The following CDK19 variants were observed in gnomAD, a reference collection of about 807,000 sequenced individuals.
The protein encoded by CDK19 is cyclin-dependent kinase 19.
In CDK19, 20 loss-of-function variants were observed where a neutral mutation model predicts 68.3. The ratio of observed to expected loss-of-function variants is 0.29; its 90% CI spans 0.21 to 0.43. CDK19 has a LOEUF of 0.43. CDK19 is among the 20% of genes least tolerant of loss of function. The pLI, the probability that CDK19 is intolerant of heterozygous loss-of-function variation, is 1.00. For missense variants in CDK19, 339 were observed against 623.5 expected (o/e 0.54, Z 4.86); for synonymous variants, 221 against 222.8 (o/e 0.99, Z 0.07).
intron 1 of CDK19, among the ~76,000 whole-genome samples, chr6:110,765,968 G>A (rs1250309101): frequency 1.3e-5 from 2 of 152,118 alleles, no homozygotes; most frequent in Admixed American, 6.6e-5. Context: ...CAAGGAGGCA[G>A]AGAAAGGGGA....
At chr6:110,767,529 T>C (rs183992529) in intron 1 of CDK19, among the ~76,000 whole-genome samples, 8 of 150,830 alleles carry the variant, frequency 5.3e-5, no homozygotes, top group Non-Finnish European at 7.4e-5. Context: ...TAATTTTTTG[T>C]ATTTTTAGTA....
chr6:110,614,329 G>A lies in CDK19; in HGVS notation c.*206C>T. ...ACAATGGAACACATGCAGGGAAGGG[G>A]TGCTGGGGAAACTTCACAAGAATCT... On this transcript the variant is annotated 3_prime_UTR_variant, in exon 13 of 13. Transcript: ENST00000368911. The A allele has an allele frequency of 2.2e-6, 1 of 445,022 alleles. No homozygotes were observed. Among genetic ancestry groups the A allele is most frequent in the Non-Finnish European group, 4.0e-6 (1 of 248,312 alleles). The allele number at this position is 445,022 out of a possible 1,614,324, so 27.6% of individuals were successfully genotyped here.
chr6:110,756,682 C>CGT lies in CDK19; in HGVS notation c.129-10483_129-10482dup, dbSNP rs746711046. Among the ~76,000 whole-genome samples the CGT allele has an allele frequency of 9.9e-5, 15 of 151,074 alleles. No individual in the cohort carries two copies. In the East Asian group the frequency reaches 1.2e-3, roughly 12 times the overall value. On this transcript the variant is annotated intron_variant, in intron 1 of 12. Coordinates refer to ENST00000368911, the MANE Select transcript of CDK19 (RefSeq NM_015076.5). Reference sequence around the variant, plus strand: ...GTGTATATATGTATGTGTATATTTACGTGTGTGTGTGTGTATGTGTATATA... The same window carrying CGT: ...GTGTATATATGTATGTGTATATTTACGTGTGTGTGTGTGTGTATGTGTATATA...
At chr6:110,693,173 C>T (rs899776038) in intron 2 of CDK19, among the ~76,000 whole-genome samples, 2 of 152,208 alleles carry the variant, frequency 1.3e-5, no homozygotes, top group Non-Finnish European at 2.9e-5. Context: ...TGAACTTTTG[C>T]TCCAAGAACC....
intron 1 of CDK19, among the ~76,000 whole-genome samples, chr6:110,766,911 G>C (rs1779628970): frequency 6.6e-6 from 1 of 152,122 alleles, no homozygotes; most frequent in Non-Finnish European, 1.5e-5. Context: ...GAGGTGGGCA[G>C]ATCACCGAGG....
intron 4 of CDK19, among the ~76,000 whole-genome samples, chr6:110,664,688 T>C (rs536302233): frequency 2.3e-4 from 35 of 152,282 alleles, no homozygotes; most frequent in African/African-American, 7.7e-4. Context: ...GATCTTGCTC[T>C]CTCAAGAAGT....
At chr6:110,718,350 G>A (rs1395041570) in intron 2 of CDK19, among the ~76,000 whole-genome samples, 2 of 152,128 alleles carry the variant, frequency 1.3e-5, no homozygotes, top group African/African-American at 4.8e-5. Flanking sequence ...TTCGAGGTGT[G>A]GAATTAGCCT....
At chr6:110,809,050 C>CAA (rs760361150) in intron 1 of CDK19, among the ~76,000 whole-genome samples, 7 of 121,828 alleles carry the variant, frequency 5.7e-5, no homozygotes, top group Admixed American at 8.5e-5. Flanking sequence ...ACTAAAAATA[C>CAA]AAAAAAAAAA....
At chr6:110,695,956 A>G (rs1273261519) in intron 2 of CDK19, among the ~76,000 whole-genome samples, 1 of 152,202 alleles carries the variant, frequency 6.6e-6, no homozygotes. Flanking sequence ...TGAAACTATT[A>G]CAAAAGATAG....
chr6:110,694,831 A>G (rs2114602483), intron 2 of CDK19, among the ~76,000 whole-genome samples: 1 of 152,290 alleles, frequency 6.6e-6, no homozygotes, highest in Middle Eastern at 3.4e-3. Context: ...TAAAATTGGA[A>G]ATTGGCTGGG....
At chr6:110,784,739 T>C (rs1472592029) in intron 1 of CDK19, among the ~76,000 whole-genome samples, 1 of 152,144 alleles carries the variant, frequency 6.6e-6, no homozygotes, top group Non-Finnish European at 1.5e-5. Context: ...AATCAAATGT[T>C]CATCAGTTGA....
intron 1 of CDK19, among the ~76,000 whole-genome samples, chr6:110,768,327 T>C (rs528610379): frequency 1.6e-4 from 25 of 152,250 alleles, no homozygotes; most frequent in Non-Finnish European, 3.2e-4. Flanking sequence ...GAAGACAGTT[T>C]GGCAGTTTCT....
At chr6:110,794,702 C>T (rs1017536423) in intron 1 of CDK19, among the ~76,000 whole-genome samples, 3 of 151,826 alleles carry the variant, frequency 2.0e-5, no homozygotes, top group Non-Finnish European at 2.9e-5. Context: ...CACGCCTGGC[C>T]TGATATTTTT....
intron 2 of CDK19, among the ~76,000 whole-genome samples, chr6:110,720,825 C>T (rs1775817781): frequency 6.9e-6 from 1 of 145,256 alleles, no homozygotes; most frequent in African/African-American, 2.6e-5. Flanking sequence ...TGAGATCACA[C>T]GACTGGCACT....
intron 1 of CDK19, among the ~76,000 whole-genome samples, chr6:110,790,124 T>G (rs1255154067): frequency 6.6e-6 from 1 of 152,258 alleles, no homozygotes. Flanking sequence ...ATTTCTGGAC[T>G]TCTTCTGAGG....
At chr6:110,792,190 C>T (rs1781644121) in intron 1 of CDK19, among the ~76,000 whole-genome samples, 1 of 151,424 alleles carries the variant, frequency 6.6e-6, no homozygotes, top group South Asian at 2.1e-4. Context: ...AGGATGGTCT[C>T]GATCTCTTGA....
At chr6:110,626,048 T>C (rs898003359) in intron 8 of CDK19, among the ~76,000 whole-genome samples, 1 of 152,224 alleles carries the variant, frequency 6.6e-6, no homozygotes, top group South Asian at 2.1e-4. Context: ...CCACGTGTTC[T>C]TCCTTCTGCC....
At chr6:110,717,568 T>G (rs78728361) in intron 2 of CDK19, among the ~76,000 whole-genome samples, 4,238 of 152,328 alleles carry the variant, frequency 0.028, 84 homozygotes, top group South Asian at 0.084. Flanking sequence ...TTAAACACAT[T>G]TTAAACGGTA....
chr6:110,701,962 G>A (rs1774043727), intron 2 of CDK19, among the ~76,000 whole-genome samples: 2 of 152,076 alleles, frequency 1.3e-5, no homozygotes. Context: ...CTAACACAGT[G>A]AAACCTCATC....
Sources: gnomAD v4.1 joint callset for allele counts (sites outside exome capture counted in the v4.1 genomes callset) on GRCh38, gnomAD v4.1.1 for gene constraint, MANE v1.5 for transcripts, NCBI Gene and HGNC (gene_info 2026-07-23, HGNC 2026-07-21) for gene names.